Variants in SLC14A2 observed in about 807,000 individuals in gnomAD.
SLC14A2 encodes urea transporter 2.
A neutral mutation model predicts 104.6 loss-of-function variants in SLC14A2; 91 were observed. The ratio of observed to expected loss-of-function variants is 0.87; its 90% CI spans 0.73 to 1.04. The LOEUF is 1.04. Among genes scored for constraint, SLC14A2 ranks in the 50% least tolerant of loss-of-function variants. The pLI is 0.00. For synonymous variants in SLC14A2, 476 were observed against 466.4 expected, an observed-to-expected ratio of 1.02 and a Z score of -0.27; for missense variants, 1,189 against 1,156.0, an observed-to-expected ratio of 1.03 and a Z score of -0.41.
At position 45,627,041 on chromosome 18, in the gene SLC14A2, C is replaced by T. The variant is rs908077709; in HGVS notation, c.415C>T (p.Leu139Phe). Residue 139 changes from leucine (L) to phenylalanine (F), a missense_variant, in exon 4 of 20, where the codon CTC (leucine) becomes TTC (phenylalanine). By Grantham distance (22) the Leu-to-Phe change is conservative. Transcript: ENST00000255226. ...VMFINNPLSG[L>F]IIFIGLLIQN... is the part of the protein sequence containing the mutation. ...GTTCATCAACAATCCTCTCAGCGGC[C>T]TCATCATCTTCATAGGGCTGCTGAT... 6.2e-7 allele frequency: 1 copy of T among 1,613,528 alleles called. No individual in the cohort carries two copies. The highest frequency in any genetic ancestry group is 1.3e-5 in the African/African-American group (1 of 74,910).
intron 1 of SLC14A2, among the ~76,000 whole-genome samples, chr18:45,422,463 G>A (rs1366860891): frequency 2.0e-5 from 3 of 152,124 alleles, no homozygotes; most frequent in Non-Finnish European, 4.4e-5. Context: ...AGGGAACCAG[G>A]GTGCATGAGG....
intron 1 of SLC14A2, among the ~76,000 whole-genome samples, chr18:45,239,163 T>C (rs1447290591): frequency 6.6e-6 from 1 of 152,112 alleles, no homozygotes; most frequent in African/African-American, 2.4e-5. Context: ...GGGCGGCTCC[T>C]CCCAGATCCA....
intron 2 of SLC14A2, among the ~76,000 whole-genome samples, chr18:45,591,237 C>T (rs1022645579): frequency 6.6e-6 from 1 of 152,232 alleles, no homozygotes; most frequent in African/African-American, 2.4e-5. Flanking sequence ...CAATGCTTCT[C>T]CAACTGTAAT....
chr18:45,321,588 A>G (rs2085185727), intron 1 of SLC14A2, among the ~76,000 whole-genome samples: 1 of 152,130 alleles, frequency 6.6e-6, no homozygotes, highest in Admixed American at 6.5e-5. Context: ...CTGTGTTCTG[A>G]GGGAAAGACA....
chr18:45,499,397 C>G (rs1263555891), intron 2 of SLC14A2, among the ~76,000 whole-genome samples: 2 of 152,126 alleles, frequency 1.3e-5, no homozygotes, highest in African/African-American at 2.4e-5. Context: ...GGTGAGTGCT[C>G]GACATTCAGA....
At chr18:45,261,137 A>G (rs2084532081) in intron 1 of SLC14A2, among the ~76,000 whole-genome samples, 1 of 151,356 alleles carries the variant, frequency 6.6e-6, no homozygotes, top group Non-Finnish European at 1.5e-5. Context: ...AACATTAGGT[A>G]TATCTCCTAA....
At chr18:45,501,095 GT>G in intron 2 of SLC14A2, among the ~76,000 whole-genome samples, 1 of 152,284 alleles carries the variant, frequency 6.6e-6, no homozygotes, top group South Asian at 2.1e-4. Flanking sequence ...GTGACCTCTA[GT>G]ATGTGTGTAT....
chr18:45,208,954 T>G (rs2083937671), upstream of SLC14A2, among the ~76,000 whole-genome samples: 1 of 151,718 alleles, frequency 6.6e-6, no homozygotes, highest in African/African-American at 2.4e-5. Flanking sequence ...GAACTGGCTT[T>G]GAATCATTTT....
chr18:45,341,870 G>A (rs1378256389), intron 1 of SLC14A2, among the ~76,000 whole-genome samples: 3 of 151,996 alleles, frequency 2.0e-5, no homozygotes, highest in Non-Finnish European at 2.9e-5. Context: ...TTACAGGCAC[G>A]AGCCACCACG....
chr18:45,228,296 A>C (rs1333156820), intron 1 of SLC14A2, among the ~76,000 whole-genome samples: 1 of 152,230 alleles, frequency 6.6e-6, no homozygotes, highest in East Asian at 1.9e-4. Flanking sequence ...GAAGAGAAGG[A>C]TGAGTCTTAA....
chr18:45,472,110 G>A (rs1291891729), intron 1 of SLC14A2, among the ~76,000 whole-genome samples: 1 of 152,030 alleles, frequency 6.6e-6, no homozygotes, highest in Non-Finnish European at 1.5e-5. Flanking sequence ...TCCCCCTTAT[G>A]AGTGAGAATA....
At chr18:45,465,226 C>T (rs2087118922) in intron 1 of SLC14A2, among the ~76,000 whole-genome samples, 1 of 152,178 alleles carries the variant, frequency 6.6e-6, no homozygotes, top group African/African-American at 2.4e-5. Context: ...CATCCCCTTG[C>T]AAACCTCTGG....
At chr18:45,372,940 C>T (rs2085738182) in intron 1 of SLC14A2, among the ~76,000 whole-genome samples, 2 of 152,146 alleles carry the variant, frequency 1.3e-5, no homozygotes, top group African/African-American at 4.8e-5. Context: ...AGTCCTTTGA[C>T]ATCCAGTATG....
At chr18:45,486,603 G>A (rs2087611219) in intron 2 of SLC14A2, among the ~76,000 whole-genome samples, 1 of 152,138 alleles carries the variant, frequency 6.6e-6, no homozygotes, top group Non-Finnish European at 1.5e-5. Context: ...CAGCTGAGAA[G>A]CATTTTTCCC....
chr18:45,288,559 T>C (rs1362054135), intron 1 of SLC14A2, among the ~76,000 whole-genome samples: 1 of 152,170 alleles, frequency 6.6e-6, no homozygotes. Flanking sequence ...TCCTACAATC[T>C]CTAGCTTCTC....
chr18:45,187,344 T>C, the SLC14A2 span, among the ~76,000 whole-genome samples: 1 of 152,056 alleles, frequency 6.6e-6, no homozygotes, highest in African/African-American at 2.4e-5. Flanking sequence ...TAAAGACAGC[T>C]TTTGAGATTG....
intron 1 of SLC14A2, among the ~76,000 whole-genome samples, chr18:45,275,637 C>T (rs1021322664): frequency 1.3e-5 from 2 of 152,174 alleles, no homozygotes; most frequent in Non-Finnish European, 2.9e-5. Context: ...TAAAATTGTG[C>T]ATGCTTATTT....
At chr18:45,673,882 T>G in intron 18 of SLC14A2, 65 bp downstream of exon 18, 1 of 1,530,396 alleles carries the variant, frequency 6.5e-7, no homozygotes, top group Non-Finnish European at 9.0e-7. Flanking sequence ...ACTGTTTTTT[T>G]ATGTTTTTTA....
intron 1 of SLC14A2, among the ~76,000 whole-genome samples, chr18:45,423,406 C>A (rs2086376787): frequency 2.6e-5 from 4 of 152,158 alleles, no homozygotes; most frequent in Admixed American, 2.6e-4. Context: ...CTCAGGACCC[C>A]CTGTGTGGAG....
Sources: gnomAD v4.1 joint callset for allele counts (sites outside exome capture counted in the v4.1 genomes callset) on GRCh38, gnomAD v4.1.1 for gene constraint, MANE v1.5 for transcripts, NCBI Gene and HGNC (gene_info 2026-07-23, HGNC 2026-07-21) for gene names.